The following SLTM variants were observed in gnomAD, a reference collection of about 807,000 sequenced individuals.
SLTM encodes the protein SAFB like transcription modulator.
In SLTM, 43 loss-of-function variants were observed where a neutral mutation model predicts 134.6. The observed-to-expected ratio is 0.32, with a 90% CI of 0.25 to 0.41. The LOEUF (loss-of-function observed/expected upper bound fraction) is 0.41. Among genes scored for constraint, SLTM ranks in the 10% least tolerant of loss-of-function variants. The pLI, the probability that SLTM is intolerant of heterozygous loss-of-function variation, is 1.00. For synonymous variants in SLTM, 424 were observed against 432.3 expected, an observed-to-expected ratio of 0.98 and a Z score of 0.24; for missense variants, 1,055 against 1,288.8, an observed-to-expected ratio of 0.82 and a Z score of 2.78.
chr15:58,889,431 T>A lies in SLTM; in HGVS notation c.2203A>T (p.Arg735Trp). The change falls in exon 16 of 21, where the codon AGG (arginine) becomes TGG (tryptophan). Residue 735 changes from arginine (R) to tryptophan (W), a missense_variant and splice_region_variant. By Grantham distance (101) the Arg-to-Trp change is moderately radical. This residue lies in a region of SLTM where 776 missense variants were observed against 962.2 expected (regional missense o/e 0.81). Transcript: ENST00000380516. ...SLKRPRDVDH[R>W]RDDPYWSENK... ...TTAAGGAATAAAATGAGTAACTACC[T>A]ATGATCTACATCACGTGGGCGTTTC... The A allele has an allele frequency of 6.2e-7, 1 of 1,613,822 alleles. No individual in the cohort carries two copies. The highest frequency in any genetic ancestry group is 8.5e-7 in the Non-Finnish European group (1 of 1,179,742).
At position 58,913,647 on chromosome 15, in the gene SLTM, T is replaced by G. The variant is rs940133986; in HGVS notation, c.365A>C (p.Glu122Ala). The part of the protein sequence containing the change: ...QEAHEQDGND[E>A]LKDSEEFGEN... ...ACCAAATTCTTCAGAGTCCTTTAGTTCATCATTTCCATCTTGCTCATGTGC... is the reference window on the plus strand; with the variant it reads ...ACCAAATTCTTCAGAGTCCTTTAGTGCATCATTTCCATCTTGCTCATGTGC... The change falls in exon 4 of 21, where the codon GAA becomes GCA. Residue 122 changes from glutamate to alanine, a missense_variant. By Grantham distance (107) the Glu-to-Ala change is moderately radical. Transcript: ENST00000380516. 3 of 1,613,714 alleles carry G rather than the reference T, an allele frequency of 1.9e-6. No individual in the cohort carries two copies. Among genetic ancestry groups the G allele is most frequent in the South Asian group, 1.1e-5 (1 of 91,080 alleles).
intron 11 of SLTM, 48 bp downstream of exon 11, chr15:58,894,042 A>G: frequency 6.2e-7 from 1 of 1,601,134 alleles, no homozygotes; most frequent in Non-Finnish European, 8.5e-7. Context: ...AATGTACCAA[A>G]AAAGTCTATC....
At chr15:58,904,861 C>T (rs1472832797) in intron 5 of SLTM, among the ~76,000 whole-genome samples, 2 of 152,158 alleles carry the variant, frequency 1.3e-5, no homozygotes, top group African/African-American at 4.8e-5. Flanking sequence ...CAGGTGCGTA[C>T]CACTACGCCC....
At chr15:58,904,446 A>ACTTT (rs2035724375) in intron 5 of SLTM, among the ~76,000 whole-genome samples, 1 of 152,248 alleles carries the variant, frequency 6.6e-6, no homozygotes, top group African/African-American at 2.4e-5. Flanking sequence ...AAGCTCGGCC[A>ACTTT]TAAGCTAAGA....
At chr15:58,886,218 AGTGTGTGTGTGTGTGTGT>A (rs60261686) in intron 19 of SLTM, among the ~76,000 whole-genome samples, 1,622 of 124,468 alleles carry the variant, frequency 0.013, 18 homozygotes, top group Non-Finnish European at 0.02. Flanking sequence ...GAAAAAGAAG[AGTGTGTGTGTGTGTGTGT>A]GTGTGTGTGT....
chr15:58,913,721 A>G, intron 3 of SLTM, 25 bp from the exon 4 acceptor site: 2 of 1,604,232 alleles, frequency 1.2e-6, no homozygotes, highest in African/African-American at 1.3e-5. Context: ...AAAATTTGGT[A>G]CAACTAGAGG....
Position 58,933,646 on chromosome 15 carries a change from G to C in SLTM, c.-81C>G. ...AGCGCCAACTTCCACCCAGGCCTCGGCGGCCGCCGGCGCCGCGCAGCGCTG... is the reference window on the plus strand; with the variant it reads ...AGCGCCAACTTCCACCCAGGCCTCGCCGGCCGCCGGCGCCGCGCAGCGCTG... On this transcript the variant is annotated 5_prime_UTR_variant, in exon 1 of 21. Transcript: ENST00000380516. The C allele has an allele frequency of 7.3e-7, 1 of 1,379,126 alleles. No homozygotes were observed. Among genetic ancestry groups the C allele is most frequent in the Non-Finnish European group, 9.3e-7 (1 of 1,071,056 alleles). The allele number at this position is 1,379,126 out of a possible 1,614,324, so 85.4% of individuals were successfully genotyped here.
At chr15:58,915,005 A>G (rs1395764168) in intron 3 of SLTM, among the ~76,000 whole-genome samples, 1 of 152,188 alleles carries the variant, frequency 6.6e-6, no homozygotes, top group Admixed American at 6.5e-5. Context: ...CAGCCTGGCC[A>G]ACATGGTGAA....
chr15:58,884,469 C>T lies in SLTM; in HGVS notation c.2836-683G>A, dbSNP rs564300003. 2.0e-5 allele frequency among the ~76,000 whole-genome samples: 3 copies of T among 151,936 alleles called. No homozygotes were observed. The South Asian group carries it at 6.2e-4, about 32-fold the overall frequency. ...AAGTAGCTGGGACTACAGGTATGCACCAGCACGCCCAGCTAATTTTTGTAT... is the reference window on the plus strand; with the variant it reads ...AAGTAGCTGGGACTACAGGTATGCATCAGCACGCCCAGCTAATTTTTGTAT... On this transcript the variant is annotated intron_variant, in intron 19 of 20. Transcript: ENST00000380516.
intron 8 of SLTM, 181 bp downstream of exon 8, chr15:58,898,622 C>T: frequency 3.7e-6 from 2 of 537,574 alleles, no homozygotes; most frequent in South Asian, 2.1e-5. Flanking sequence ...AACAGTAACA[C>T]ATCAATCAGT....
At chr15:58,922,678 A>G (rs2037178789) in intron 2 of SLTM, among the ~76,000 whole-genome samples, 1 of 147,802 alleles carries the variant, frequency 6.8e-6, no homozygotes, top group African/African-American at 2.5e-5. Context: ...TATAAAATAT[A>G]TAATATAAAA....
intron 5 of SLTM, among the ~76,000 whole-genome samples, chr15:58,907,466 A>G (rs1246424634): frequency 1.3e-5 from 2 of 152,168 alleles, no homozygotes; most frequent in African/African-American, 4.8e-5. Flanking sequence ...TACAAAAAAT[A>G]CAAAAGTCAG....
At chr15:58,892,872 G>C in intron 14 of SLTM, 25 bp downstream of exon 14, 1 of 1,600,098 alleles carries the variant, frequency 6.2e-7, no homozygotes, top group Non-Finnish European at 8.5e-7. Flanking sequence ...TTTAAAGACA[G>C]GTATAAAACA....
intron 19 of SLTM, 66 bp downstream of exon 19, chr15:58,886,909 A>T (rs1446513593): frequency 4.4e-6 from 7 of 1,593,428 alleles, no homozygotes; most frequent in Non-Finnish European, 5.1e-6. Flanking sequence ...CTGTATATCC[A>T]GAGTAGCTCA....
At chr15:58,888,218 A>AT (rs2034380438) in intron 17 of SLTM, among the ~76,000 whole-genome samples, 167 bp downstream of exon 17, 1 of 152,246 alleles carries the variant, frequency 6.6e-6, no homozygotes, top group Admixed American at 6.5e-5. Context: ...GTTCTAGTTA[A>AT]TTAATTTGGA....
intron 5 of SLTM, among the ~76,000 whole-genome samples, chr15:58,909,600 C>T (rs1567138328): frequency 6.6e-6 from 1 of 152,212 alleles, no homozygotes; most frequent in Non-Finnish European, 1.5e-5. Context: ...TCATCAATGA[C>T]TGGTACCATC....
intron 2 of SLTM, among the ~76,000 whole-genome samples, chr15:58,928,028 T>C (rs1317660386): frequency 2.6e-5 from 4 of 152,214 alleles, no homozygotes; most frequent in South Asian, 4.1e-4. Flanking sequence ...GCCAAACCTA[T>C]AACCTCAAAA....
At chr15:58,924,339 G>A (rs1317456493) in intron 2 of SLTM, among the ~76,000 whole-genome samples, 2 of 152,160 alleles carry the variant, frequency 1.3e-5, no homozygotes, top group African/African-American at 2.4e-5. Context: ...GTATATACCA[G>A]AGAAAGACAA....
chr15:58,925,334 T>G (rs2037382551), intron 2 of SLTM, among the ~76,000 whole-genome samples: 1 of 152,196 alleles, frequency 6.6e-6, no homozygotes, highest in Admixed American at 6.5e-5. Context: ...TAGGTCACTC[T>G]GAGTTTTTTG....
Sources: gnomAD v4.1 joint callset for allele counts (sites outside exome capture counted in the v4.1 genomes callset) on GRCh38, gnomAD v4.1.1 for gene constraint, gnomAD v4.1.1 regional missense constraint, MANE v1.5 for transcripts, NCBI Gene and HGNC (gene_info 2026-07-23, HGNC 2026-07-21) for gene names.